Variants in NPSR1 observed in about 807,000 individuals in gnomAD.
NPSR1 encodes the protein neuropeptide S receptor.
A neutral mutation model predicts 46.9 loss-of-function variants in NPSR1; 48 were observed. The observed-to-expected ratio is 1.02, with a 90% CI of 0.81 to 1.30. The LOEUF is 1.30. Ranked by LOEUF, NPSR1 falls within the 50% of genes most tolerant of loss-of-function variation. The pLI, the probability that NPSR1 is intolerant of heterozygous loss-of-function variation, is 0.00. For missense variants in NPSR1, 450 were observed against 449.5 expected (o/e 1.00, Z -0.01); for synonymous variants, 176 against 168.1 (o/e 1.05, Z -0.36).
chr7:34,830,989 C>T (rs1790092168), intron 5 of NPSR1, among the ~76,000 whole-genome samples: 1 of 152,146 alleles, frequency 6.6e-6, no homozygotes. Flanking sequence ...TCCCTTGTGT[C>T]TCATTTCCAA....
intron 8 of NPSR1, among the ~76,000 whole-genome samples, chr7:34,873,713 C>G (rs1791511122): frequency 6.6e-6 from 1 of 151,706 alleles, no homozygotes; most frequent in Admixed American, 6.5e-5. Flanking sequence ...CCACCACCTC[C>G]AACATTGGGG....
chr7:34,792,715 T>G (rs149350567), intron 3 of NPSR1, among the ~76,000 whole-genome samples: 1,477 of 98,786 alleles, frequency 0.015, 59 homozygotes, highest in African/African-American at 0.046. Flanking sequence ...ATATATATAT[T>G]TATATATATA....
chr7:34,770,000 A>G (rs1240392528), intron 2 of NPSR1, among the ~76,000 whole-genome samples: 2 of 152,218 alleles, frequency 1.3e-5, no homozygotes, highest in Admixed American at 6.5e-5. Context: ...TCAGCATTGA[A>G]CATCATTTGC....
At chr7:34,818,558 G>GA (rs1466900762) in intron 4 of NPSR1, among the ~76,000 whole-genome samples, 2 of 152,020 alleles carry the variant, frequency 1.3e-5, no homozygotes, top group East Asian at 3.9e-4. Context: ...CACAGAATTG[G>GA]AAAAAACTAC....
intron 2 of NPSR1, among the ~76,000 whole-genome samples, chr7:34,693,866 A>G (rs1793384887): frequency 6.6e-6 from 1 of 152,242 alleles, no homozygotes; most frequent in Admixed American, 6.5e-5. Context: ...AATAAAATCA[A>G]TAGACATGAT....
At chr7:34,859,457 T>G (rs756905487) in intron 8 of NPSR1, among the ~76,000 whole-genome samples, 1 of 151,532 alleles carries the variant, frequency 6.6e-6, no homozygotes, top group Non-Finnish European at 1.5e-5. Flanking sequence ...TATGCGGTGA[T>G]GTTAGCCCCA....
chr7:34,721,560 T>C (rs1783858607), intron 2 of NPSR1, among the ~76,000 whole-genome samples: 1 of 152,170 alleles, frequency 6.6e-6, no homozygotes, highest in African/African-American at 2.4e-5. Context: ...TCCAACTGCA[T>C]GCCAGGCCCT....
chr7:34,777,409 C>A (rs1787013704), intron 2 of NPSR1, among the ~76,000 whole-genome samples: 1 of 151,900 alleles, frequency 6.6e-6, no homozygotes, highest in Non-Finnish European at 1.5e-5. Context: ...TCTCCCCTGG[C>A]ACCTAGGAAT....
chr7:34,798,701 C>A (rs375170991), intron 3 of NPSR1, among the ~76,000 whole-genome samples: 83 of 152,152 alleles, frequency 5.5e-4, no homozygotes, highest in African/African-American at 1.9e-3. Flanking sequence ...ATGCGATTTC[C>A]ATCAAGAGAA....
intron 2 of NPSR1, among the ~76,000 whole-genome samples, chr7:34,774,316 T>C (rs1471075207): frequency 1.3e-5 from 2 of 152,194 alleles, no homozygotes; most frequent in African/African-American, 4.8e-5. Flanking sequence ...GCAAGGGCAC[T>C]GGTACAACCC....
At chr7:34,721,275 G>GA (rs1783844627) in intron 2 of NPSR1, among the ~76,000 whole-genome samples, 1 of 152,136 alleles carries the variant, frequency 6.6e-6, no homozygotes, top group African/African-American at 2.4e-5. Flanking sequence ...AAAGGATAAG[G>GA]AAATGAAAAC....
chr7:34,778,661 T>C lies in NPSR1; in HGVS notation c.384+96T>C, dbSNP rs1161155727. On this transcript the variant is annotated intron_variant, in intron 3 of 8. Transcript: ENST00000360581. ...AATCATATAAAACCTTGCATTCCTA[T>C]GCATCAAACTGCCCGCTTTCTCCTG... 6 of 707,572 alleles carry C rather than the reference T, an allele frequency of 8.5e-6. No individual in the cohort carries two copies. The Admixed American group carries it at 1.3e-4, about 16-fold the overall frequency. The allele number at this position is 707,572 out of a possible 1,614,324, so 43.8% of individuals were successfully genotyped here.
intron 2 of NPSR1, among the ~76,000 whole-genome samples, chr7:34,729,007 A>G (rs1784294436): frequency 6.6e-6 from 1 of 152,172 alleles, no homozygotes; most frequent in Non-Finnish European, 1.5e-5. Context: ...TTTCTGACCT[A>G]AGAACATTAA....
At chr7:34,837,974 G>A (rs953344770) in intron 6 of NPSR1, among the ~76,000 whole-genome samples, 3 of 152,110 alleles carry the variant, frequency 2.0e-5, no homozygotes, top group Non-Finnish European at 2.9e-5. Flanking sequence ...AATCAGATTG[G>A]TGTAAACCCC....
chr7:34,704,912 T>C (rs1794023123), intron 2 of NPSR1, among the ~76,000 whole-genome samples: 1 of 152,210 alleles, frequency 6.6e-6, no homozygotes. Flanking sequence ...TATGGTGGTA[T>C]TGTTTGGCTT....
At chr7:34,870,655 C>T (rs1380517743) in intron 8 of NPSR1, among the ~76,000 whole-genome samples, 1 of 151,748 alleles carries the variant, frequency 6.6e-6, no homozygotes, top group Non-Finnish European at 1.5e-5. Context: ...ATATGAGCCA[C>T]AAGCATGGGG....
chr7:34,739,578 T>C (rs1784840387), intron 2 of NPSR1, among the ~76,000 whole-genome samples: 1 of 152,238 alleles, frequency 6.6e-6, no homozygotes, highest in Non-Finnish European at 1.5e-5. Context: ...CATTTTTTAG[T>C]TGCATGTCCC....
intron 2 of NPSR1, among the ~76,000 whole-genome samples, chr7:34,701,646 T>C (rs1484336316): frequency 6.6e-6 from 1 of 152,216 alleles, no homozygotes; most frequent in African/African-American, 2.4e-5. Context: ...GGGAAATTCT[T>C]TCCTCCCCTA....
intron 1 of NPSR1, among the ~76,000 whole-genome samples, chr7:34,682,473 A>C (rs184922137): frequency 1.3e-5 from 2 of 152,266 alleles, no homozygotes; most frequent in Admixed American, 1.3e-4. Flanking sequence ...ATCTGTCAGC[A>C]CCATGGTGTC....
Sources: allele counts gnomAD v4.1 joint callset (sites outside exome capture counted in the v4.1 genomes callset), GRCh38; gene constraint gnomAD v4.1.1; transcripts MANE v1.5; gene names NCBI Gene and HGNC (gene_info 2026-07-23, HGNC 2026-07-21).